MOB4: variants seen among roughly 807,000 people sequenced by gnomAD.
The protein encoded by MOB4 is MOB-like protein phocein.
Under a neutral mutation model 32.2 loss-of-function variants are expected in MOB4, and 4 were observed. The ratio of observed to expected loss-of-function variants is 0.12; its 90% CI spans 0.06 to 0.28. The LOEUF (loss-of-function observed/expected upper bound fraction) is 0.28. Among genes scored for constraint, MOB4 ranks in the 10% least tolerant of loss-of-function variants. The probability of loss-of-function intolerance (pLI) is 1.00; values close to 1 mark genes in which losing one functional copy is unlikely to be tolerated. For missense variants in MOB4, 158 were observed against 271.2 expected, an observed-to-expected ratio of 0.58 and a Z score of 2.93; for synonymous variants, 88 against 88.1, an observed-to-expected ratio of 1.00 and a Z score of 0.01.
chr2:197,535,899 C>CTTTTTTTTTTTTT (rs1319135434), intron 3 of MOB4, among the ~76,000 whole-genome samples: 5 of 129,290 alleles, frequency 3.9e-5, no homozygotes, highest in Admixed American at 7.8e-5. Context: ...CTTTTCTTTT[C>CTTTTTTTTTTTTT]TTTTTTTTTT....
chr2:197,516,582 G>T (rs771801223), intron 1 of MOB4: 2 of 482,048 alleles, frequency 4.1e-6, no homozygotes, highest in South Asian at 3.1e-5. Context: ...CCGGCGTCCA[G>T]TTCCTACCTG....
chr2:197,544,003 G>C (rs1017822521), intron 5 of MOB4, among the ~76,000 whole-genome samples: 3 of 151,480 alleles, frequency 2.0e-5, no homozygotes, highest in African/African-American at 7.3e-5. Context: ...GCCTCCTAAA[G>C]TGCTGGGATT....
chr2:197,516,378 G>C, intron 1 of MOB4: 3 of 1,413,868 alleles, frequency 2.1e-6, no homozygotes, highest in Non-Finnish European at 2.8e-6. Context: ...GGCGGGTGGG[G>C]TCTGCTGGTG....
At position 197,529,047 on chromosome 2, in the gene MOB4, G is replaced by A. The variant is rs2086656922; in HGVS notation, c.123+5361G>A. Among the ~76,000 whole-genome samples the A allele has an allele frequency of 4.7e-5, 7 of 150,034 alleles. No homozygotes were observed. The South Asian group carries it at 1.5e-3, about 32-fold the overall frequency. The stretch of plus-strand genomic sequence containing the variant: ...CGCGATCTCGGCTCACTGAGTTTAA[G>A]CAATTCTCCTGCCTCAGCCTCATGA... On this transcript the variant is annotated intron_variant, in intron 2 of 7. Transcript: ENST00000323303.
chr2:197,545,637 C>T (rs1052531481), intron 5 of MOB4, among the ~76,000 whole-genome samples: 1 of 152,274 alleles, frequency 6.6e-6, no homozygotes, highest in Admixed American at 6.5e-5. Context: ...TCATACTACA[C>T]CATGGATAAG....
intron 1 of MOB4, among the ~76,000 whole-genome samples, chr2:197,521,946 G>C (rs1010821027): frequency 2.0e-5 from 3 of 152,190 alleles, no homozygotes; most frequent in Non-Finnish European, 4.4e-5. Flanking sequence ...AGGATTAAGA[G>C]ATTAAAGACA....
intron 2 of MOB4, among the ~76,000 whole-genome samples, chr2:197,525,213 G>A (rs1017936040): frequency 6.6e-6 from 1 of 151,998 alleles, no homozygotes; most frequent in African/African-American, 2.4e-5. Flanking sequence ...CGGGCGTGGT[G>A]GTGGGTGCCT....
intron 1 of MOB4, chr2:197,516,456 T>C (rs993396360): frequency 1.4e-5 from 16 of 1,177,220 alleles, no homozygotes; most frequent in Non-Finnish European, 1.8e-5. Context: ...GCCTTGCCCC[T>C]GAGCCCCAGC....
Position 197,548,541 on chromosome 2 carries a change from G to T in MOB4, c.434+126G>T, listed in dbSNP as rs927354450. On this transcript the variant is annotated intron_variant, in intron 6 of 7. Coordinates refer to ENST00000323303, the MANE Select transcript of MOB4 (RefSeq NM_015387.5). The stretch of plus-strand genomic sequence containing the variant: ...CTAATGCTAAATGATGAGTTAATGG[G>T]TGCAGCACACCAACATGGCACATGT... The T allele has an allele frequency of 2.7e-5, 15 of 557,284 alleles. No individual in the cohort carries two copies. The African/African-American group carries it at 2.9e-4, about 11-fold the overall frequency. 34.5% of individuals were successfully genotyped at this position (557,284 alleles called of 1,614,324 possible).
chr2:197,550,635 A>C lies in MOB4; in HGVS notation c.667A>C (p.Ser223Arg). ...AGTACAGAATTCAGTTTCTGGGGAA[A>C]GTGAAGCATGAAGGGAATCATAGGA... ...EEVQNSVSGE[S>R]EA Residue 223 changes from serine to arginine, a missense_variant, in exon 8 of 8, where the codon AGT becomes CGT. Ser to Arg is a moderately radical substitution (Grantham distance 110). Coordinates refer to ENST00000323303, the MANE Select transcript of MOB4 (RefSeq NM_015387.5). The C allele has an allele frequency of 6.3e-7, 1 of 1,598,310 alleles. No individual in the cohort carries two copies. Among genetic ancestry groups the C allele is most frequent in the South Asian group, 1.1e-5 (1 of 87,556 alleles).
At position 197,530,670 on chromosome 2, in the gene MOB4, A is replaced by G. The variant is rs183733928; in HGVS notation, c.124-4860A>G. 2.2e-3 allele frequency among the ~76,000 whole-genome samples: 339 copies of G among 152,094 alleles called. 1 individual carries two copies. Among genetic ancestry groups the G allele is most frequent in the Non-Finnish European group, 3.7e-3 (249 of 67,998 alleles). ...AGACAGGGTCTCACTCTGTCATTCC[A>G]GGCTGGTGTACAGTGGACTTCTTAG... On this transcript the variant is annotated intron_variant, in intron 2 of 7. Coordinates refer to ENST00000323303, the MANE Select transcript of MOB4 (RefSeq NM_015387.5).
chr2:197,521,475 T>A (rs2086517784), intron 1 of MOB4, among the ~76,000 whole-genome samples: 1 of 152,200 alleles, frequency 6.6e-6, no homozygotes, highest in African/African-American at 2.4e-5. Flanking sequence ...ATTGATAACA[T>A]CTTATCAGGA....
At chr2:197,545,221 C>T (rs2086973019) in intron 5 of MOB4, among the ~76,000 whole-genome samples, 1 of 152,102 alleles carries the variant, frequency 6.6e-6, no homozygotes, top group Non-Finnish European at 1.5e-5. Flanking sequence ...GAGGATTGGT[C>T]CCAGGACCCC....
intron 3 of MOB4, among the ~76,000 whole-genome samples, chr2:197,538,346 C>G (rs1208765486): frequency 2.0e-5 from 3 of 147,440 alleles, no homozygotes; most frequent in Non-Finnish European, 3.0e-5. Context: ...ATTCTTTTAT[C>G]TCTTTATTGT....
At chr2:197,541,461 G>A (rs926488520) in intron 5 of MOB4, among the ~76,000 whole-genome samples, 2 of 152,190 alleles carry the variant, frequency 1.3e-5, no homozygotes, top group African/African-American at 2.4e-5. Context: ...TTGAAGACAA[G>A]TGAGGCCCTA....
chr2:197,528,765 G>A lies in MOB4; in HGVS notation c.123+5079G>A, dbSNP rs181824645. On this transcript the variant is annotated intron_variant, in intron 2 of 7. Transcript: ENST00000323303. Reference sequence around the variant, plus strand: ...CGAGTAGCTGGGACTACAGGCGCCCGCCATCACCCCCGGCTAATTTTTTTG... The same window carrying A: ...CGAGTAGCTGGGACTACAGGCGCCCACCATCACCCCCGGCTAATTTTTTTG... Among the ~76,000 whole-genome samples the A allele has an allele frequency of 9.2e-3, 1,396 of 151,176 alleles. 27 individuals are homozygous for A. The highest frequency in any genetic ancestry group is 0.032 in the African/African-American group (1,322 of 41,222).
At chr2:197,539,815 A>G (rs1424912237) in intron 3 of MOB4, among the ~76,000 whole-genome samples, 3 of 152,214 alleles carry the variant, frequency 2.0e-5, no homozygotes, top group Non-Finnish European at 4.4e-5. Context: ...TACACTTCCT[A>G]AAAGTCTTGG....
chr2:197,515,873 G>GC (rs879654670), upstream of MOB4: 152 of 560,132 alleles, frequency 2.7e-4, no homozygotes, highest in East Asian at 5.0e-3. Context: ...CTCAGTCCCT[G>GC]CCAGTAGCCA....
At chr2:197,534,604 A>G (rs13026160) in intron 2 of MOB4, among the ~76,000 whole-genome samples, 23 of 152,188 alleles carry the variant, frequency 1.5e-4, no homozygotes, top group African/African-American at 5.5e-4. Flanking sequence ...GTGCAGTGGC[A>G]CGATCTTGGT....
Sources: allele counts gnomAD v4.1 joint callset (sites outside exome capture counted in the v4.1 genomes callset), GRCh38; gene constraint gnomAD v4.1.1; transcripts MANE v1.5; gene names NCBI Gene and HGNC (gene_info 2026-07-23, HGNC 2026-07-21).